Variants in RIGI observed in about 807,000 individuals in gnomAD.
The protein encoded by RIGI is RNA sensor RIG-I, also known as antiviral innate immune response receptor RIG-I.
the RIGI span, among the ~76,000 whole-genome samples, chr9:32,461,627 G>A: frequency 2.0e-5 from 3 of 152,128 alleles, no homozygotes; most frequent in African/African-American, 7.2e-5. Context: ...GCTCAGGCCT[G>A]CCCAGCACAG....
At chr9:32,524,596 G>GTTTTTTTTTTTTTTTTTTTTTTT in the RIGI span, among the ~76,000 whole-genome samples, 18 of 67,580 alleles carry the variant, frequency 2.7e-4, 3 homozygotes, top group African/African-American at 8.9e-4. Flanking sequence ...TTGTTTTTCG[G>GTTTTTTTTTTTTTTTTTTTTTTT]TTTTTTTTTT....
the RIGI span, among the ~76,000 whole-genome samples, chr9:32,504,403 C>CA: frequency 2.6e-5 from 4 of 152,096 alleles, no homozygotes; most frequent in African/African-American, 7.2e-5. Flanking sequence ...CACAGCCCGG[C>CA]ACAGTGGCTC....
chr9:32,516,392 T>C, the RIGI span, among the ~76,000 whole-genome samples: 5 of 152,194 alleles, frequency 3.3e-5, no homozygotes, highest in Non-Finnish European at 7.3e-5. Flanking sequence ...CAGGAGGACC[T>C]AGGCCAAACC....
At chr9:32,463,321 G>C in the RIGI span, among the ~76,000 whole-genome samples, 1 of 152,004 alleles carries the variant, frequency 6.6e-6, no homozygotes. Context: ...CAAATTTCTA[G>C]AATTGAAATC....
the RIGI span, chr9:32,459,450 G>C: frequency 6.2e-7 from 1 of 1,613,618 alleles, no homozygotes; most frequent in East Asian, 2.2e-5. Context: ...TTCCTTATCA[G>C]GTACAGGTTT....
At chr9:32,478,619 G>A in the RIGI span, among the ~76,000 whole-genome samples, 7 of 152,116 alleles carry the variant, frequency 4.6e-5, no homozygotes, top group African/African-American at 1.7e-4. Context: ...GGGTCCAGTG[G>A]TGCAATCTCG....
chr9:32,492,713 C>A, the RIGI span, among the ~76,000 whole-genome samples: 1 of 152,142 alleles, frequency 6.6e-6, no homozygotes. Context: ...TTTTAAGATA[C>A]TTTTTCCTTC....
the RIGI span, chr9:32,457,387 A>G: frequency 6.2e-7 from 1 of 1,614,042 alleles, no homozygotes; most frequent in Admixed American, 1.7e-5. Context: ...GCATTCCTTA[A>G]AAGCATCTCC....
At chr9:32,504,230 G>A in the RIGI span, among the ~76,000 whole-genome samples, 1 of 152,138 alleles carries the variant, frequency 6.6e-6, no homozygotes, top group African/African-American at 2.4e-5. Context: ...GAGAGGGTTA[G>A]AGTAAACGAG....
At chr9:32,520,448 G>T in the RIGI span, among the ~76,000 whole-genome samples, 1 of 151,954 alleles carries the variant, frequency 6.6e-6, no homozygotes, top group Non-Finnish European at 1.5e-5. Flanking sequence ...TTGACTCCTG[G>T]ATCCAAAAAA....
chr9:32,457,813 C>G, the RIGI span, among the ~76,000 whole-genome samples: 1 of 152,154 alleles, frequency 6.6e-6, no homozygotes, highest in African/African-American at 2.4e-5. Context: ...GGAAAACGAC[C>G]AAGGTCAAGA....
chr9:32,499,323 T>TTTTTTTTTTTTTTTTC, the RIGI span, among the ~76,000 whole-genome samples: 1 of 148,110 alleles, frequency 6.8e-6, no homozygotes, highest in African/African-American at 2.5e-5. Flanking sequence ...TTTGTTTTTT[T>TTTTTTTTTTTTTTTTC]TTTTTTTTTT....
chr9:32,480,089 T>C, the RIGI span: 1 of 959,532 alleles, frequency 1.0e-6, no homozygotes, highest in South Asian at 2.2e-5. Context: ...ACCATCTCCA[T>C]CTTCCTACAT....
At chr9:32,510,336 G>T in the RIGI span, among the ~76,000 whole-genome samples, 1 of 152,222 alleles carries the variant, frequency 6.6e-6, no homozygotes, top group African/African-American at 2.4e-5. Flanking sequence ...TGCAGCCAGA[G>T]AGAAAGGTTG....
chr9:32,486,904 T>A, the RIGI span, among the ~76,000 whole-genome samples: 1 of 152,224 alleles, frequency 6.6e-6, no homozygotes, highest in Non-Finnish European at 1.5e-5. Flanking sequence ...TTGTTCTACC[T>A]CAGAAATACA....
At chr9:32,473,338 A>G in the RIGI span, among the ~76,000 whole-genome samples, 1 of 130,544 alleles carries the variant, frequency 7.7e-6, no homozygotes, top group Non-Finnish European at 1.5e-5. Context: ...CCTAGGCTGG[A>G]GTGCAGTGGC....
chr9:32,494,745 G>T, the RIGI span, among the ~76,000 whole-genome samples: 2 of 152,060 alleles, frequency 1.3e-5, no homozygotes, highest in African/African-American at 4.8e-5. Flanking sequence ...GACTACTTTA[G>T]ATAATCTATA....
At chr9:32,508,574 C>T in the RIGI span, among the ~76,000 whole-genome samples, 2 of 152,092 alleles carry the variant, frequency 1.3e-5, no homozygotes, top group South Asian at 4.1e-4. Flanking sequence ...GGCCCAGATA[C>T]TATGCTTTTC....
chr9:32,463,373 TTTTC>T, the RIGI span, among the ~76,000 whole-genome samples: 2 of 152,238 alleles, frequency 1.3e-5, no homozygotes, highest in African/African-American at 4.8e-5. Context: ...GCAATTTTAA[TTTTC>T]TTTTTTAATT....
Sources: gnomAD v4.1 joint callset for allele counts (sites outside exome capture counted in the v4.1 genomes callset) on GRCh38, gnomAD v4.1.1 for gene constraint, MANE v1.5 for transcripts, NCBI Gene and HGNC (gene_info 2026-07-23, HGNC 2026-07-21) for gene names.